Variants in CDH4 observed in about 807,000 individuals in gnomAD.
CDH4 encodes the protein cadherin-4.
CDH4 carries 33 observed loss-of-function variants against 86.0 expected under a neutral mutation model. The ratio of observed to expected loss-of-function variants is 0.38; its 90% CI spans 0.29 to 0.51. The LOEUF is 0.51. Ranked by LOEUF, CDH4 falls within the 20% of genes least tolerant of loss-of-function variation. The pLI is 0.86. For missense variants in CDH4, 1,114 were observed against 1,307.4 expected (o/e 0.85, Z 2.28); for synonymous variants, 555 against 549.4 (o/e 1.01, Z -0.14).
At chr20:61,475,159 C>A (rs908669440) in intron 2 of CDH4, among the ~76,000 whole-genome samples, 4 of 152,110 alleles carry the variant, frequency 2.6e-5, no homozygotes, top group African/African-American at 9.7e-5. Flanking sequence ...ATGTGTTACA[C>A]TTTTTTCCCC....
intron 4 of CDH4, among the ~76,000 whole-genome samples, chr20:61,783,803 T>C (rs1371833808): frequency 6.0e-5 from 5 of 83,550 alleles, no homozygotes; most frequent in African/African-American, 2.3e-4. Flanking sequence ...AGGTGTCTTG[T>C]GCCCCCAAGA....
chr20:61,905,522 A>T (rs2054779525), intron 8 of CDH4, among the ~76,000 whole-genome samples: 1 of 152,238 alleles, frequency 6.6e-6, no homozygotes, highest in Admixed American at 6.5e-5. Context: ...CCAAGGGGCC[A>T]GGAGCTTCAG....
chr20:61,712,758 A>T (rs570531598), intron 2 of CDH4, among the ~76,000 whole-genome samples: 1 of 152,166 alleles, frequency 6.6e-6, no homozygotes, highest in Non-Finnish European at 1.5e-5. Flanking sequence ...GGCAGCCCCC[A>T]TCACGGAAGG....
chr20:61,885,084 T>A (rs1984478970), intron 7 of CDH4, among the ~76,000 whole-genome samples: 1 of 151,992 alleles, frequency 6.6e-6, no homozygotes, highest in Non-Finnish European at 1.5e-5. Context: ...GGACATAGGG[T>A]GCTGAGTCCC....
rs967696672 is a variant in CDH4 at position 61,544,133 on chromosome 20, G to T, written c.170-199430G>T. 3.4e-4 allele frequency among the ~76,000 whole-genome samples: 52 copies of T among 152,286 alleles called. 1 individual carries two copies. The highest frequency in any genetic ancestry group is 4.4e-4 in the Non-Finnish European group (30 of 68,028). On this transcript the variant is annotated intron_variant, in intron 2 of 15. Coordinates refer to ENST00000614565, the MANE Select transcript of CDH4 (RefSeq NM_001794.5). The surrounding 1 kb of genome is among the most constrained non-coding windows in gnomAD (Gnocchi z 6.5). Reference sequence around the variant, plus strand: ...CCTGCCTCTTGGCACTACACTGTGTGGTCCGGTCCCACGGCCATGTGGTCT... The same window carrying T: ...CCTGCCTCTTGGCACTACACTGTGTTGTCCGGTCCCACGGCCATGTGGTCT...
chr20:61,870,461 C>A (rs183031349), intron 6 of CDH4, among the ~76,000 whole-genome samples: 2 of 152,242 alleles, frequency 1.3e-5, no homozygotes, highest in East Asian at 3.9e-4. Flanking sequence ...GTGAGTACAA[C>A]AGACAGTGCC....
intron 2 of CDH4, among the ~76,000 whole-genome samples, chr20:61,713,914 C>T (rs943561898): frequency 6.6e-6 from 1 of 152,202 alleles, no homozygotes; most frequent in Non-Finnish European, 1.5e-5. Context: ...TTTCCCCGTG[C>T]AGTGGGCTGA....
chr20:61,647,554 T>TCTCTCTCTCTCTCTCTCTCTCC (rs2087076542), intron 2 of CDH4, among the ~76,000 whole-genome samples: 2 of 106,804 alleles, frequency 1.9e-5, no homozygotes, highest in African/African-American at 3.4e-5. Flanking sequence ...TCCCTCTCCC[T>TCTCTCTCTCTCTCTCTCTCTCC]CTCCCTCTCC....
chr20:61,606,239 C>A (rs963878778), intron 2 of CDH4, among the ~76,000 whole-genome samples: 3 of 152,120 alleles, frequency 2.0e-5, no homozygotes, highest in African/African-American at 7.3e-5. Context: ...GGCAGAGAGA[C>A]GGCCATTCCG....
chr20:61,853,921 C>T (rs1405523526), intron 6 of CDH4, among the ~76,000 whole-genome samples: 2 of 152,096 alleles, frequency 1.3e-5, no homozygotes, highest in Non-Finnish European at 2.9e-5. Context: ...GCTTGGGCCA[C>T]CCCTAAAGTA....
In CDH4 at chr20:61,917,866, T is replaced by C. The variant is rs143423652; in HGVS notation, c.1375-5585T>C. ...TCTTCCTGTGGGCTTTTATTGGCCA[T>C]AATCATCTTTCTGGAAGGCCTCCTT... On this transcript the variant is annotated intron_variant, in intron 9 of 15. Coordinates refer to ENST00000614565, the MANE Select transcript of CDH4 (RefSeq NM_001794.5). Among the ~76,000 whole-genome samples the C allele has an allele frequency of 1.6e-3, 251 of 152,390 alleles. 1 individual carries two copies. The highest frequency in any genetic ancestry group is 5.3e-3 in the African/African-American group (220 of 41,602).
intron 2 of CDH4, among the ~76,000 whole-genome samples, chr20:61,374,496 G>A (rs541684517): frequency 5.3e-5 from 8 of 152,262 alleles, no homozygotes; most frequent in East Asian, 3.9e-4. Flanking sequence ...CTGTGGCCTC[G>A]GGCAAGTTAT....
At chr20:61,828,444 A>G (rs1294824198) in intron 4 of CDH4, among the ~76,000 whole-genome samples, 2 of 152,248 alleles carry the variant, frequency 1.3e-5, no homozygotes, top group Non-Finnish European at 2.9e-5. Context: ...AAACTGTAGG[A>G]CCAACGATCT....
At chr20:61,476,569 C>A (rs1185440882) in intron 2 of CDH4, among the ~76,000 whole-genome samples, 1 of 152,158 alleles carries the variant, frequency 6.6e-6, no homozygotes, top group Non-Finnish European at 1.5e-5. Flanking sequence ...AAGGAAGGCC[C>A]CCGGTGAGAC....
chr20:61,461,034 G>T (rs2085439043), intron 2 of CDH4, among the ~76,000 whole-genome samples: 1 of 152,194 alleles, frequency 6.6e-6, no homozygotes, highest in Non-Finnish European at 1.5e-5. Flanking sequence ...TTACCAGGGA[G>T]AATTTGCTGA....
chr20:61,331,629 TGCCCCAGACCCACCTCCC>T (rs1309574371), intron 2 of CDH4, among the ~76,000 whole-genome samples: 3,130 of 137,644 alleles, frequency 0.023, no homozygotes, highest in East Asian at 0.047. Flanking sequence ...GCCCACCTCC[TGCCCCAGACCCACCTCCC>T]GCCCCAGCCA....
intron 2 of CDH4, among the ~76,000 whole-genome samples, chr20:61,702,422 A>G (rs1405141785): frequency 6.6e-6 from 1 of 152,190 alleles, no homozygotes; most frequent in East Asian, 1.9e-4. Flanking sequence ...CACACAAAAC[A>G]TTGCTCTGTA....
chr20:61,297,519 A>G (rs2084362629), intron 2 of CDH4, among the ~76,000 whole-genome samples: 1 of 152,250 alleles, frequency 6.6e-6, no homozygotes, highest in Admixed American at 6.5e-5. Flanking sequence ...GCGAATCCCC[A>G]TGGTCCATCT....
chr20:61,254,420 C>A (rs1032800948), intron 1 of CDH4, among the ~76,000 whole-genome samples: 2 of 152,220 alleles, frequency 1.3e-5, no homozygotes, highest in African/African-American at 2.4e-5. Context: ...GGGCCTAAAG[C>A]GCGAATGGTC....
Sources: allele counts gnomAD v4.1 joint callset (sites outside exome capture counted in the v4.1 genomes callset), GRCh38; gene constraint gnomAD v4.1.1; non-coding constraint Gnocchi (gnomAD v3.1); transcripts MANE v1.5; gene names NCBI Gene and HGNC (gene_info 2026-07-23, HGNC 2026-07-21).